NEMP2: variants seen among roughly 807,000 people sequenced by gnomAD.
NEMP2 encodes nuclear envelope integral membrane protein 2.
Under a neutral mutation model 54.2 loss-of-function variants are expected in NEMP2, and 53 were observed. The observed-to-expected ratio is 0.98, with a 90% CI of 0.78 to 1.23. NEMP2 has a LOEUF of 1.23. Ranked by LOEUF, NEMP2 falls within the 50% of genes most tolerant of loss-of-function variation. The pLI is 0.00. For synonymous variants in NEMP2, 197 were observed against 190.3 expected (o/e 1.04, Z -0.29); for missense variants, 455 against 511.3 (o/e 0.89, Z 1.06).
At chr2:190,591,278 TTACAG>T in the NEMP2 span, among the ~76,000 whole-genome samples, 1 of 152,192 alleles carries the variant, frequency 6.6e-6, no homozygotes, top group Non-Finnish European at 1.5e-5. The surrounding 1 kb of genome is among the most constrained non-coding windows in gnomAD (Gnocchi z 5.4). Context: ...AAGAAACTAA[TTACAG>T]TAAAGATTGT....
downstream of NEMP2, chr2:190,501,853 T>G (rs7721): frequency 0.23 from 35,355 of 152,546 alleles, 5,068 homozygotes; most frequent in South Asian, 0.33. Context: ...ACCTTTAAAA[T>G]CAGATGTATT....
chr2:190,425,997 G>C, the NEMP2 span, among the ~76,000 whole-genome samples: 6 of 152,158 alleles, frequency 3.9e-5, no homozygotes, highest in South Asian at 1.2e-3. This position sits in a 1 kb window ranked among gnomAD's most constrained non-coding sequence, Gnocchi z 4.3. Context: ...CTTGCCTTTA[G>C]TTTTTAGAAG....
intron 4 of NEMP2, 64 bp downstream of exon 4, chr2:190,518,672 T>C: frequency 7.8e-7 from 1 of 1,283,970 alleles, no homozygotes; most frequent in South Asian, 1.4e-5. Flanking sequence ...ACTTAGCATG[T>C]GGTCAAAAAT....
the NEMP2 span, chr2:190,488,789 T>C: frequency 1.9e-6 from 3 of 1,596,424 alleles, no homozygotes; most frequent in South Asian, 1.1e-5. The surrounding 1 kb of genome is among the most constrained non-coding windows in gnomAD (Gnocchi z 6.4). Flanking sequence ...TGTGGTGCCA[T>C]GATCGGAGGC....
chr2:190,464,170 A>T, the NEMP2 span, among the ~76,000 whole-genome samples: 1 of 152,214 alleles, frequency 6.6e-6, no homozygotes, highest in Non-Finnish European at 1.5e-5. Flanking sequence ...GAGGGCTTGC[A>T]ACACAAACTG....
chr2:190,640,198 A>G, the NEMP2 span, among the ~76,000 whole-genome samples: 1 of 152,008 alleles, frequency 6.6e-6, no homozygotes, highest in African/African-American at 2.4e-5. Flanking sequence ...ATTATTTTTT[A>G]TTTTTTTCCA....
the NEMP2 span, among the ~76,000 whole-genome samples, chr2:190,602,475 T>C: frequency 6.6e-6 from 1 of 152,122 alleles, no homozygotes; most frequent in African/African-American, 2.4e-5. Flanking sequence ...GTTAATCACA[T>C]CTTTTAAAAA....
the NEMP2 span, chr2:190,464,943 G>A: frequency 1.0e-6 from 1 of 980,716 alleles, no homozygotes; most frequent in Non-Finnish European, 1.2e-6. Context: ...CCATATTATA[G>A]TTGGTTAAAT....
chr2:190,511,394 G>GTGGA (rs1431478173), intron 7 of NEMP2, among the ~76,000 whole-genome samples: 1 of 151,970 alleles, frequency 6.6e-6, no homozygotes, highest in Non-Finnish European at 1.5e-5. Context: ...TACATGACGA[G>GTGGA]TGGATCATGA....
the NEMP2 span, chr2:190,444,781 A>G: frequency 3.4e-6 from 1 of 290,714 alleles, no homozygotes; most frequent in Non-Finnish European, 5.1e-6. Context: ...ACTGAGTATT[A>G]GGGTGCTAAA....
chr2:190,447,114 C>G, the NEMP2 span, among the ~76,000 whole-genome samples: 1 of 152,066 alleles, frequency 6.6e-6, no homozygotes, highest in African/African-American at 2.4e-5. This position sits in a 1 kb window ranked among gnomAD's most constrained non-coding sequence, Gnocchi z 4.5. Flanking sequence ...GAAAGGATGT[C>G]TTGACACACA....
At chr2:190,582,728 A>C in the NEMP2 span, among the ~76,000 whole-genome samples, 1 of 152,206 alleles carries the variant, frequency 6.6e-6, no homozygotes, top group South Asian at 2.1e-4. The surrounding 1 kb of genome is among the most constrained non-coding windows in gnomAD (Gnocchi z 4.6). Flanking sequence ...GCATTTCTTA[A>C]AAGAGTGCTC....
the NEMP2 span, among the ~76,000 whole-genome samples, chr2:190,562,963 G>C: frequency 6.7e-6 from 1 of 148,414 alleles, no homozygotes; most frequent in Non-Finnish European, 1.5e-5. This position sits in a 1 kb window ranked among gnomAD's most constrained non-coding sequence, Gnocchi z 5.0. Context: ...CATTATCAAT[G>C]TCAGTGGCAG....
the NEMP2 span, among the ~76,000 whole-genome samples, chr2:190,454,981 TATGTATATGTATATGTATA>T: frequency 0.067 from 6,330 of 94,376 alleles, 218 homozygotes; most frequent in South Asian, 0.12. The surrounding 1 kb of genome is among the most constrained non-coding windows in gnomAD (Gnocchi z 4.6). Context: ...TGTATATGTA[TATGTATATGTATATGTATA>T]ATGTATATGT....
chr2:190,496,450 T>C, the NEMP2 span, among the ~76,000 whole-genome samples: 1 of 152,146 alleles, frequency 6.6e-6, no homozygotes, highest in South Asian at 2.1e-4. This position sits in a 1 kb window ranked among gnomAD's most constrained non-coding sequence, Gnocchi z 4.7. Flanking sequence ...AAAGTAGAAC[T>C]ACCATTTGAT....
At chr2:190,500,143 C>T (rs767090192), downstream of NEMP2, 13 of 1,614,012 alleles carry the variant, frequency 8.1e-6, no homozygotes, top group African/African-American at 5.3e-5. This position sits in a 1 kb window ranked among gnomAD's most constrained non-coding sequence, Gnocchi z 5.3. Context: ...AGACCAGCCC[C>T]GCTCACCCCA....
At chr2:190,569,825 G>A in the NEMP2 span, among the ~76,000 whole-genome samples, 1 of 150,460 alleles carries the variant, frequency 6.6e-6, no homozygotes, top group Non-Finnish European at 1.5e-5. Flanking sequence ...CAACAATAAA[G>A]TGCAATAAAT....
In NEMP2 at chr2:190,534,567, G is replaced by T; in HGVS notation, c.89C>A (p.Ala30Glu). ...LPVRGEAAAA[A>E]LSVRRCKALK... ...CGCCGGTCCCGGGTTACCTGATAACGCTGCCGCCGCCGCCTCCCCGCGCAC... is the reference window on the plus strand; with the variant it reads ...CGCCGGTCCCGGGTTACCTGATAACTCTGCCGCCGCCGCCTCCCCGCGCAC... The change falls in exon 1 of 9, where the codon GCG (alanine) becomes GAG (glutamate). Residue 30 changes from alanine to glutamate, a missense_variant. Ala to Glu is a moderately radical substitution (Grantham distance 107). Coordinates refer to ENST00000409150, the MANE Select transcript of NEMP2 (RefSeq NM_001142645.2). The T allele has an allele frequency of 7.1e-7, 1 of 1,400,846 alleles. No homozygotes were observed. Among genetic ancestry groups the T allele is most frequent in the Admixed American group, 3.2e-5 (1 of 31,282 alleles). 86.8% of individuals were successfully genotyped at this position (1,400,846 alleles called of 1,614,324 possible).
At chr2:190,446,739 C>G in the NEMP2 span, among the ~76,000 whole-genome samples, 1 of 152,160 alleles carries the variant, frequency 6.6e-6, no homozygotes, top group Non-Finnish European at 1.5e-5. Flanking sequence ...TCTGCTCAAC[C>G]CAAAACTACA....
Sources: gnomAD v4.1 joint callset for allele counts (sites outside exome capture counted in the v4.1 genomes callset) on GRCh38, gnomAD v4.1.1 for gene constraint, Gnocchi (gnomAD v3.1) non-coding constraint, MANE v1.5 for transcripts, NCBI Gene and HGNC (gene_info 2026-07-23, HGNC 2026-07-21) for gene names.